Variants in CERS3 observed in about 807,000 individuals in gnomAD.
CERS3 encodes the protein LAG1 homolog, ceramide synthase 3.
A neutral mutation model predicts 50.3 loss-of-function variants in CERS3; 33 were observed. That is an observed-to-expected ratio of 0.66 (90% confidence interval 0.50 to 0.88). The LOEUF (loss-of-function observed/expected upper bound fraction) is 0.88. Ranked by LOEUF, CERS3 falls within the 40% of genes least tolerant of loss-of-function variation. The pLI is 0.00. For synonymous variants in CERS3, 176 were observed against 155.2 expected (o/e 1.13, Z -0.99); for missense variants, 470 against 460.3 (o/e 1.02, Z -0.19).
chr15:100,525,815 T>C (rs906412678), intron 1 of CERS3, among the ~76,000 whole-genome samples: 6 of 152,254 alleles, frequency 3.9e-5, no homozygotes, highest in African/African-American at 1.4e-4. Flanking sequence ...GGCTTGATTG[T>C]TGCACAGGAC....
At chr15:100,469,897 G>A (rs969604305) in intron 9 of CERS3, among the ~76,000 whole-genome samples, 1 of 152,088 alleles carries the variant, frequency 6.6e-6, no homozygotes, top group African/African-American at 2.4e-5. Flanking sequence ...GGGAAATCCT[G>A]AGCTGGGCTG....
intron 11 of CERS3, among the ~76,000 whole-genome samples, chr15:100,413,393 A>T (rs371149222): frequency 1.3e-5 from 2 of 152,310 alleles, no homozygotes; most frequent in East Asian, 3.9e-4. Context: ...AATATTCAAG[A>T]TACACAAAGA....
intron 11 of CERS3, among the ~76,000 whole-genome samples, chr15:100,423,138 G>A (rs911850956): frequency 1.3e-5 from 2 of 151,926 alleles, no homozygotes; most frequent in Admixed American, 6.6e-5. Flanking sequence ...GCAATGTGAT[G>A]GAGAAAAAGG....
intron 10 of CERS3, among the ~76,000 whole-genome samples, chr15:100,467,348 G>A (rs1465195600): frequency 6.6e-6 from 1 of 152,046 alleles, no homozygotes; most frequent in African/African-American, 2.4e-5. Flanking sequence ...ACAGAGGTCT[G>A]CAAACTATGG....
chr15:100,417,774 C>T (rs1327589246), intron 11 of CERS3, among the ~76,000 whole-genome samples: 5 of 151,830 alleles, frequency 3.3e-5, no homozygotes, highest in Non-Finnish European at 5.9e-5. Context: ...TCCCTGACCC[C>T]TGACCCCTGG....
At chr15:100,510,042 G>A (rs1356611300) in intron 2 of CERS3, among the ~76,000 whole-genome samples, 2 of 135,570 alleles carry the variant, frequency 1.5e-5, no homozygotes, top group Admixed American at 1.5e-4. Context: ...AAAAAAAATA[G>A]TATGTCTTTA....
In CERS3 at chr15:100,476,149, G is replaced by A. The variant is rs2142256164; in HGVS notation, c.546C>T (p.Tyr182=). ...QPLLPSQYWY[Y]ILEMSFYWSL... Reference sequence around the variant, plus strand: ...ACCAATAAAAACTCATTTCTAAAATGTAGTACCAGTACTGGGATGGCAGCA... The same window carrying A: ...ACCAATAAAAACTCATTTCTAAAATATAGTACCAGTACTGGGATGGCAGCA... Residue 182 remains tyrosine (Y), a synonymous_variant, in exon 8 of 12, where the codon TAC becomes TAT. Transcript: ENST00000679737. 2 of 1,584,124 alleles carry A rather than the reference G, an allele frequency of 1.3e-6. No homozygotes were observed. The highest frequency in any genetic ancestry group is 1.7e-6 in the Non-Finnish European group (2 of 1,169,382).
chr15:100,417,301 G>C (rs894673382), intron 11 of CERS3, among the ~76,000 whole-genome samples: 1 of 151,974 alleles, frequency 6.6e-6, no homozygotes, highest in East Asian at 1.9e-4. Context: ...TTCCCTTTCC[G>C]AGTCAAAGAA....
At chr15:100,494,735 G>T (rs1164872670) in intron 3 of CERS3, among the ~76,000 whole-genome samples, 1 of 152,192 alleles carries the variant, frequency 6.6e-6, no homozygotes, top group Non-Finnish European at 1.5e-5. Context: ...TAGGCAGTAA[G>T]CAACTCTGCC....
At chr15:100,502,318 T>A (rs2036037268) in intron 2 of CERS3, among the ~76,000 whole-genome samples, 2 of 150,760 alleles carry the variant, frequency 1.3e-5, no homozygotes, top group Non-Finnish European at 3.0e-5. Flanking sequence ...TACTATTATT[T>A]AATGGATTAT....
chr15:100,527,092 G>A (rs1596816160), intron 1 of CERS3, among the ~76,000 whole-genome samples: 1 of 152,072 alleles, frequency 6.6e-6, no homozygotes, highest in Non-Finnish European at 1.5e-5. Flanking sequence ...CCAGGAGATC[G>A]AGACTAGACT....
At chr15:100,522,392 C>A (rs2036664437) in intron 1 of CERS3, among the ~76,000 whole-genome samples, 1 of 152,166 alleles carries the variant, frequency 6.6e-6, no homozygotes, top group African/African-American at 2.4e-5. Context: ...ATTGTCACTG[C>A]TGTATTGTTA....
intron 11 of CERS3, among the ~76,000 whole-genome samples, chr15:100,428,313 G>C (rs1019535079): frequency 6.6e-6 from 1 of 152,258 alleles, no homozygotes; most frequent in African/African-American, 2.4e-5. Context: ...GTGTTTGGCT[G>C]TTCCTGCATA....
intron 11 of CERS3, among the ~76,000 whole-genome samples, chr15:100,423,479 GCAGCTGGAGGC>G (rs1270518360): frequency 1.3e-5 from 2 of 152,180 alleles, no homozygotes; most frequent in Non-Finnish European, 2.9e-5. Flanking sequence ...CAACATGGAT[GCAGCTGGAGGC>G]CATTATCCCA....
At chr15:100,455,857 T>C (rs2142196897) in intron 11 of CERS3, 36 bp downstream of exon 11, 2 of 1,453,760 alleles carry the variant, frequency 1.4e-6, no homozygotes, top group East Asian at 2.5e-5. Flanking sequence ...AACCTGGCAA[T>C]GACATTAAGA....
At chr15:100,488,534 G>T (rs1369538663) in intron 4 of CERS3, among the ~76,000 whole-genome samples, 1 of 152,162 alleles carries the variant, frequency 6.6e-6, no homozygotes, top group Non-Finnish European at 1.5e-5. Flanking sequence ...GGTGAGACGA[G>T]TTTGTTTCTG....
At chr15:100,542,350 C>T (rs1346379397) in intron 1 of CERS3, among the ~76,000 whole-genome samples, 3 of 152,162 alleles carry the variant, frequency 2.0e-5, no homozygotes, top group East Asian at 1.9e-4. Context: ...TATTTGGTCA[C>T]GCATGGCAAC....
intron 2 of CERS3, among the ~76,000 whole-genome samples, chr15:100,520,590 A>T (rs549732910): frequency 3.9e-5 from 6 of 152,218 alleles, no homozygotes; most frequent in Non-Finnish European, 8.8e-5. Flanking sequence ...TCTTCCTCCC[A>T]GTAGGCTACC....
intron 11 of CERS3, among the ~76,000 whole-genome samples, chr15:100,446,883 T>C (rs988024888): frequency 2.0e-5 from 3 of 152,160 alleles, no homozygotes; most frequent in Non-Finnish European, 4.4e-5. Flanking sequence ...CAGGCACAGC[T>C]GACCATCAGT....
Sources: gnomAD v4.1 joint callset for allele counts (sites outside exome capture counted in the v4.1 genomes callset) on GRCh38, gnomAD v4.1.1 for gene constraint, MANE v1.5 for transcripts, NCBI Gene and HGNC (gene_info 2026-07-23, HGNC 2026-07-21) for gene names.